The following RBFOX1 variants were observed in gnomAD, a reference collection of about 807,000 sequenced individuals.
RBFOX1 encodes RNA binding protein fox-1 homolog 1.
Under a neutral mutation model 57.7 loss-of-function variants are expected in RBFOX1, and 8 were observed. The observed-to-expected ratio is 0.14, with a 90% confidence interval of 0.08 to 0.25. The LOEUF is 0.25. Ranked by LOEUF, RBFOX1 falls within the 10% of genes least tolerant of loss-of-function variation. The pLI is 1.00. For missense variants in RBFOX1, 611 were observed against 548.5 expected (o/e 1.11, Z -1.14); for synonymous variants, 326 against 222.4 (o/e 1.47, Z -4.15).
chr16:7,349,338 G>A (rs184523716), intron 4 of RBFOX1, among the ~76,000 whole-genome samples: 3 of 152,210 alleles, frequency 2.0e-5, no homozygotes, highest in South Asian at 2.1e-4. Flanking sequence ...CGCAAGATCG[G>A]TTTTCAATTT....
chr16:6,637,488 T>TTAC (rs2098454283), intron 2 of RBFOX1, among the ~76,000 whole-genome samples: 2 of 60,100 alleles, frequency 3.3e-5, no homozygotes, highest in African/African-American at 8.9e-5. Flanking sequence ...TAATATCCTA[T>TTAC]ATATTATATA....
At chr16:6,457,443 C>CCG (rs985367227) in intron 2 of RBFOX1, among the ~76,000 whole-genome samples, 1 of 75,100 alleles carries the variant, frequency 1.3e-5, no homozygotes, top group African/African-American at 5.2e-5. Context: ...GGAAGTCCCC[C>CCG]CCCCCGCAAT....
chr16:6,371,890 G>A (rs983714369), intron 2 of RBFOX1, among the ~76,000 whole-genome samples: 2 of 152,130 alleles, frequency 1.3e-5, no homozygotes, highest in African/African-American at 4.8e-5. Flanking sequence ...TTGTTATTAC[G>A]AGTTATCTTT....
chr16:7,218,628 CTGTGTGTGTGTGTG>C (rs60333818), intron 4 of RBFOX1, among the ~76,000 whole-genome samples: 93 of 127,536 alleles, frequency 7.3e-4, no homozygotes, highest in Middle Eastern at 4.2e-3. Context: ...TGGGGGTTTG[CTGTGTGTGTGTGTG>C]TGTGTGTGTG....
At chr16:7,227,891 C>T (rs532641679) in intron 4 of RBFOX1, among the ~76,000 whole-genome samples, 1 of 152,226 alleles carries the variant, frequency 6.6e-6, no homozygotes, top group Non-Finnish European at 1.5e-5. Context: ...TATTAGCTCA[C>T]GTGGTTATCC....
intron 4 of RBFOX1, among the ~76,000 whole-genome samples, chr16:5,907,728 AT>A (rs2058496073): frequency 6.9e-6 from 1 of 145,064 alleles, no homozygotes; most frequent in Non-Finnish European, 1.5e-5. Context: ...ATTTATCATC[AT>A]CATCATCATC....
rs78012372 is a variant in RBFOX1 at position 5,591,992 on chromosome 16, A to G, written c.259-6910A>G. ...GTTGCCCTAGAGTCTTATAATTTCC[A>G]TGCTTTATTCAAATTTCTTCTTTGT... On this transcript the variant is annotated intron_variant, in intron 2 of 2. Coordinates refer to the RBFOX1 transcript ENST00000585867. Among the ~76,000 whole-genome samples the G allele has an allele frequency of 1.3e-3, 192 of 152,350 alleles. 3 individuals carry two copies. The East Asian group carries it at 0.025, about 20-fold the overall frequency.
chr16:7,309,980 T>C lies in RBFOX1; in HGVS notation c.28-208167T>C, dbSNP rs138570791. Among the ~76,000 whole-genome samples the C allele has an allele frequency of 4.0e-4, 61 of 152,336 alleles. No homozygotes were observed. The East Asian group carries it at 8.7e-3, about 22-fold the overall frequency. ...TTCCATTCATCAATAAAGTTTCCTA[T>C]TGCCGGGTGCTGCCCAAGAGAACTC... On this transcript the variant is annotated intron_variant, in intron 4 of 15. Transcript: ENST00000550418.
chr16:7,174,130 T>A (rs1015794720), intron 4 of RBFOX1, among the ~76,000 whole-genome samples: 2 of 152,210 alleles, frequency 1.3e-5, no homozygotes, highest in African/African-American at 4.8e-5. Flanking sequence ...ATCCACACAA[T>A]GTGTGATCTG....
intron 3 of RBFOX1, among the ~76,000 whole-genome samples, chr16:5,861,042 C>T (rs1400565391): frequency 6.6e-6 from 1 of 152,152 alleles, no homozygotes; most frequent in Non-Finnish European, 1.5e-5. Context: ...GCTGGTGTAC[C>T]AGAGAGAACC....
chr16:6,300,398 A>G (rs1035146778), intron 1 of RBFOX1, among the ~76,000 whole-genome samples: 4 of 152,230 alleles, frequency 2.6e-5, no homozygotes, highest in South Asian at 2.1e-4. Flanking sequence ...CAGTGTATAC[A>G]TATTTCAAAA....
At chr16:6,871,400 G>T (rs142372680) in intron 3 of RBFOX1, among the ~76,000 whole-genome samples, 22 of 152,148 alleles carry the variant, frequency 1.4e-4, no homozygotes, top group Admixed American at 5.2e-4. Context: ...TGGCCAGGCT[G>T]GTCTCAAACT....
chr16:5,778,721 A>C (rs886730803), intron 3 of RBFOX1, among the ~76,000 whole-genome samples: 1 of 152,080 alleles, frequency 6.6e-6, no homozygotes, highest in Non-Finnish European at 1.5e-5. Flanking sequence ...CTTCACTATG[A>C]GGGTGAATAG....
intron 2 of RBFOX1, among the ~76,000 whole-genome samples, chr16:5,509,321 G>C (rs1217733537): frequency 1.3e-5 from 2 of 152,196 alleles, no homozygotes; most frequent in African/African-American, 4.8e-5. Context: ...ATGTCCCACA[G>C]CTGGCCGGAA....
chr16:6,982,796 C>G (rs2089268956), intron 3 of RBFOX1, among the ~76,000 whole-genome samples: 1 of 152,052 alleles, frequency 6.6e-6, no homozygotes. Context: ...AGTTCAAGAC[C>G]AGCCTGGCCA....
chr16:6,927,386 C>T (rs1171649024), intron 3 of RBFOX1, among the ~76,000 whole-genome samples: 5 of 112,810 alleles, frequency 4.4e-5, no homozygotes, highest in Non-Finnish European at 8.1e-5. Flanking sequence ...CCACTCCAGC[C>T]TGGGCAACAG....
intron 4 of RBFOX1, among the ~76,000 whole-genome samples, chr16:7,083,942 G>T (rs1567196396): frequency 6.6e-6 from 1 of 152,090 alleles, no homozygotes; most frequent in Non-Finnish European, 1.5e-5. Flanking sequence ...GTACCATGCA[G>T]CTGTTTTTTT....
At chr16:6,859,143 A>ATATATACGTATATATATACG (rs2058492689) in intron 3 of RBFOX1, among the ~76,000 whole-genome samples, 7 of 88,104 alleles carry the variant, frequency 7.9e-5, no homozygotes, top group African/African-American at 3.4e-4. Flanking sequence ...ATATATACGT[A>ATATATACGTATATATATACG]TATATATATG....
At chr16:6,692,666 A>T (rs1002385073) in intron 3 of RBFOX1, among the ~76,000 whole-genome samples, 3 of 151,992 alleles carry the variant, frequency 2.0e-5, no homozygotes, top group African/African-American at 7.3e-5. Flanking sequence ...CTTCCACCTG[A>T]ATGTGTTTCC....
Sources: gnomAD v4.1 joint callset for allele counts (sites outside exome capture counted in the v4.1 genomes callset) on GRCh38, gnomAD v4.1.1 for gene constraint, MANE v1.5 for transcripts, NCBI Gene and HGNC (gene_info 2026-07-23, HGNC 2026-07-21) for gene names.